Variants in RBFOX1 observed in about 807,000 individuals in gnomAD.
The protein encoded by RBFOX1 is RNA binding protein fox-1 homolog 1.
RBFOX1 carries 8 observed loss-of-function variants against 57.7 expected under a neutral mutation model. The observed-to-expected ratio is 0.14, with a 90% CI of 0.08 to 0.25. The LOEUF (loss-of-function observed/expected upper bound fraction) is 0.25. Ranked by LOEUF, RBFOX1 falls within the 10% of genes least tolerant of loss-of-function variation. The pLI is 1.00. For synonymous variants in RBFOX1, 326 were observed against 222.4 expected, an observed-to-expected ratio of 1.47 and a Z score of -4.15; for missense variants, 611 against 548.5, an observed-to-expected ratio of 1.11 and a Z score of -1.14.
intron 3 of RBFOX1, among the ~76,000 whole-genome samples, chr16:6,905,058 T>C (rs2069488477): frequency 6.6e-6 from 1 of 152,182 alleles, no homozygotes; most frequent in African/African-American, 2.4e-5. Flanking sequence ...ATTGAATTAC[T>C]TAATAAACTT....
At chr16:5,635,374 CA>C (rs1299423849) in intron 3 of RBFOX1, among the ~76,000 whole-genome samples, 2 of 152,196 alleles carry the variant, frequency 1.3e-5, no homozygotes, top group East Asian at 3.8e-4. Context: ...GTTCTCTAGG[CA>C]GCAGAGTAAT....
chr16:7,593,334 G>C (rs1423425561), intron 7 of RBFOX1, among the ~76,000 whole-genome samples: 5 of 152,140 alleles, frequency 3.3e-5, no homozygotes, highest in Non-Finnish European at 7.3e-5. Context: ...CCAAGAGTTA[G>C]AACTGTCAAA....
At chr16:6,402,034 T>C in intron 2 of RBFOX1, among the ~76,000 whole-genome samples, 1 of 151,230 alleles carries the variant, frequency 6.6e-6, no homozygotes, top group South Asian at 2.1e-4. Flanking sequence ...GATACCTTTG[T>C]CTAATGGTGG....
At chr16:6,490,392 A>T (rs2095605200) in intron 2 of RBFOX1, among the ~76,000 whole-genome samples, 1 of 152,190 alleles carries the variant, frequency 6.6e-6, no homozygotes, top group Non-Finnish European at 1.5e-5. Flanking sequence ...ATTTCTTGTC[A>T]AGAATATGTA....
chr16:7,612,854 A>C (rs544398676), intron 10 of RBFOX1, among the ~76,000 whole-genome samples: 8 of 151,198 alleles, frequency 5.3e-5, no homozygotes, highest in Middle Eastern at 3.4e-3. Flanking sequence ...ATATCTGCCA[A>C]CTCATTTCTG....
chr16:7,673,872 C>G (rs2072416069), intron 13 of RBFOX1, among the ~76,000 whole-genome samples: 1 of 152,102 alleles, frequency 6.6e-6, no homozygotes. Flanking sequence ...GTCAATGACA[C>G]ATTTTTGTCA....
rs1223191346 is a variant in RBFOX1 at position 7,439,945 on chromosome 16, C to CTT, written c.28-78200_28-78199dup. On this transcript the variant is annotated intron_variant, in intron 4 of 15. Transcript: ENST00000550418. ...GAACCACAAAACAACCAAATCTTTT[C>CTT]TTTCTTTTTTTTTTTTTTTTTTTTG... is the stretch of plus-strand genomic sequence containing the variant. Among the ~76,000 whole-genome samples, 14 of 113,418 alleles carry CTT rather than the reference C, an allele frequency of 1.2e-4. 1 individual carries two copies. The highest frequency in any genetic ancestry group is 2.7e-4 in the East Asian group (1 of 3,646). 74.4% of individuals were successfully genotyped at this position (113,418 alleles called of 152,430 possible). A position where few individuals can be genotyped will look rare whatever the true frequency, so the allele number is the denominator to read the frequency against.
chr16:5,789,735 C>T (rs1456100054), intron 3 of RBFOX1, among the ~76,000 whole-genome samples: 4 of 152,122 alleles, frequency 2.6e-5, no homozygotes, highest in Non-Finnish European at 5.9e-5. Context: ...AATAATCTGC[C>T]ATAAGTTCCC....
At chr16:5,902,133 G>A (rs1597709961) in intron 4 of RBFOX1, among the ~76,000 whole-genome samples, 2 of 152,034 alleles carry the variant, frequency 1.3e-5, no homozygotes, top group Non-Finnish European at 2.9e-5. Context: ...ACCCATTATT[G>A]TTCACCTGCC....
chr16:5,584,526 G>A (rs995026729), intron 2 of RBFOX1, among the ~76,000 whole-genome samples: 3 of 152,178 alleles, frequency 2.0e-5, no homozygotes, highest in African/African-American at 4.8e-5. Flanking sequence ...CCTCACAAGG[G>A]CACAGAGACC....
At chr16:7,507,565 CT>C (rs3030308) in intron 4 of RBFOX1, among the ~76,000 whole-genome samples, 29 of 132,544 alleles carry the variant, frequency 2.2e-4, no homozygotes, top group East Asian at 6.5e-4. Context: ...TTCTTTCTTT[CT>C]TTTTTTTTTT....
intron 1 of RBFOX1, among the ~76,000 whole-genome samples, chr16:6,145,709 G>C (rs1026212255): frequency 1.3e-5 from 2 of 151,934 alleles, no homozygotes; most frequent in African/African-American, 4.8e-5. Flanking sequence ...AATGTTTATG[G>C]CATACGTCCA....
chr16:7,301,506 C>G (rs1024724308), intron 4 of RBFOX1, among the ~76,000 whole-genome samples: 13 of 152,200 alleles, frequency 8.5e-5, no homozygotes, highest in African/African-American at 2.7e-4. Flanking sequence ...GGGATCTAAT[C>G]ACTACTGAGG....
chr16:7,269,856 G>T (rs986292633), intron 4 of RBFOX1, among the ~76,000 whole-genome samples: 1 of 152,140 alleles, frequency 6.6e-6, no homozygotes, highest in African/African-American at 2.4e-5. Flanking sequence ...AACTGGTTGT[G>T]CCCCTGCACA....
At chr16:6,203,251 T>C (rs2097228139) in intron 1 of RBFOX1, among the ~76,000 whole-genome samples, 1 of 152,152 alleles carries the variant, frequency 6.6e-6, no homozygotes, top group Non-Finnish European at 1.5e-5. Flanking sequence ...CTTCTGTACT[T>C]CCCCCTTCTC....
At chr16:7,250,074 T>TC (rs1227284182) in intron 4 of RBFOX1, among the ~76,000 whole-genome samples, 1 of 152,198 alleles carries the variant, frequency 6.6e-6, no homozygotes, top group Non-Finnish European at 1.5e-5. Context: ...CCCCTTTTTT[T>TC]CCCATAGGGT....
At chr16:5,250,775 C>A (rs1031879741) in intron 1 of RBFOX1, among the ~76,000 whole-genome samples, 1 of 152,194 alleles carries the variant, frequency 6.6e-6, no homozygotes, top group Non-Finnish European at 1.5e-5. Context: ...CAGCCCTGCA[C>A]CGATACGTCT....
rs540674280 is a variant in RBFOX1, at chr16:5,599,322, A to G, written c.*73A>G. 1.4e-4 allele frequency: 86 copies of G among 619,356 alleles called. 3 individuals carry two copies. In the South Asian group the frequency reaches 1.6e-3, roughly 11 times the overall value. 38.4% of individuals were successfully genotyped at this position (619,356 alleles called of 1,614,324 possible). Reference sequence around the variant, plus strand: ...TTGTGGGAGCACGTGAAAGAAGTCGAATGTCATTGGGTTGTCTTCCTAGTA... The same window carrying G: ...TTGTGGGAGCACGTGAAAGAAGTCGGATGTCATTGGGTTGTCTTCCTAGTA... On this transcript the variant is annotated 3_prime_UTR_variant, in exon 3 of 3. Transcript: ENST00000585867.
At chr16:6,115,781 A>G (rs1298023452) in intron 1 of RBFOX1, among the ~76,000 whole-genome samples, 2 of 152,036 alleles carry the variant, frequency 1.3e-5, no homozygotes, top group African/African-American at 4.8e-5. Context: ...TAATTCCCCA[A>G]TCCCTGGTCT....
Sources: allele counts gnomAD v4.1 joint callset (sites outside exome capture counted in the v4.1 genomes callset), GRCh38; gene constraint gnomAD v4.1.1; transcripts MANE v1.5; gene names NCBI Gene and HGNC (gene_info 2026-07-23, HGNC 2026-07-21).